Variants in TEAD1 observed in about 807,000 individuals in gnomAD.
TEAD1 encodes the protein TEA domain transcription factor 1, also known as transcriptional enhancer factor TEF-1.
Under a neutral mutation model 54.9 loss-of-function variants are expected in TEAD1, and 9 were observed. The ratio of observed to expected loss-of-function variants is 0.16; its 90% CI spans 0.10 to 0.29. The LOEUF (loss-of-function observed/expected upper bound fraction) is 0.29, where lower values mean the gene tolerates loss of function less well. TEAD1 is among the 10% of genes least tolerant of loss of function. The pLI, the probability that TEAD1 is intolerant of heterozygous loss-of-function variation, is 1.00. For synonymous variants in TEAD1, 200 were observed against 187.8 expected (o/e 1.07, Z -0.53); for missense variants, 387 against 535.9 (o/e 0.72, Z 2.74).
intron 2 of TEAD1, among the ~76,000 whole-genome samples, chr11:12,691,646 G>C (rs914596233): frequency 2.0e-5 from 3 of 152,168 alleles, no homozygotes; most frequent in African/African-American, 7.2e-5. Context: ...ACCATGGATG[G>C]TTTGTGGTTT....
At chr11:12,851,325 A>G (rs1947269214) in intron 3 of TEAD1, among the ~76,000 whole-genome samples, 1 of 152,214 alleles carries the variant, frequency 6.6e-6, no homozygotes, top group South Asian at 2.1e-4. Flanking sequence ...CATAAGGACT[A>G]TAGTTAGAAT....
chr11:12,856,351 C>T (rs1268268265), intron 3 of TEAD1, among the ~76,000 whole-genome samples: 2 of 151,884 alleles, frequency 1.3e-5, no homozygotes, highest in African/African-American at 4.8e-5. Context: ...TCACATAAGG[C>T]AGAAAAAAAT....
chr11:12,790,827 C>T (rs1229719316), intron 3 of TEAD1, among the ~76,000 whole-genome samples: 1 of 152,166 alleles, frequency 6.6e-6, no homozygotes, highest in Non-Finnish European at 1.5e-5. Flanking sequence ...CCACTTCATA[C>T]CCTCAGGTGA....
chr11:12,761,354 A>G (rs1564931145), intron 2 of TEAD1, among the ~76,000 whole-genome samples: 1 of 152,198 alleles, frequency 6.6e-6, no homozygotes, highest in African/African-American at 2.4e-5. Context: ...GTGGATCTAC[A>G]TCCTTCCCAT....
At chr11:12,870,871 G>A (rs1014839751) in intron 5 of TEAD1, among the ~76,000 whole-genome samples, 2 of 152,168 alleles carry the variant, frequency 1.3e-5, no homozygotes, top group Admixed American at 6.5e-5. Flanking sequence ...GGGCAACAGA[G>A]CGAGACTCTG....
intron 2 of TEAD1, among the ~76,000 whole-genome samples, chr11:12,734,178 G>A (rs1944479816): frequency 6.6e-6 from 1 of 152,174 alleles, no homozygotes; most frequent in Admixed American, 6.5e-5. Flanking sequence ...GGCCTCCGGA[G>A]TAGCTGGGAT....
At chr11:12,840,689 C>G (rs372021466) in intron 3 of TEAD1, among the ~76,000 whole-genome samples, 28 of 152,260 alleles carry the variant, frequency 1.8e-4, no homozygotes, top group Non-Finnish European at 2.9e-4. Context: ...GGCCCCATTC[C>G]TATCAGAAGC....
intron 2 of TEAD1, among the ~76,000 whole-genome samples, chr11:12,713,075 AG>A (rs1368470488): frequency 6.6e-6 from 1 of 152,186 alleles, no homozygotes; most frequent in Non-Finnish European, 1.5e-5. Context: ...GCTGGAGTGC[AG>A]TGGGATGATC....
At chr11:12,875,342 G>T (rs1350732181) in intron 5 of TEAD1, among the ~76,000 whole-genome samples, 1 of 152,166 alleles carries the variant, frequency 6.6e-6, no homozygotes, top group Non-Finnish European at 1.5e-5. Context: ...GACACTTAGA[G>T]TTATTTTTTC....
chr11:12,711,836 A>T (rs893035627), intron 2 of TEAD1, among the ~76,000 whole-genome samples: 1 of 152,178 alleles, frequency 6.6e-6, no homozygotes, highest in Non-Finnish European at 1.5e-5. Flanking sequence ...GTCCCTCAGG[A>T]GGTTCTGCTC....
At chr11:12,814,886 C>T (rs1436743265) in intron 3 of TEAD1, among the ~76,000 whole-genome samples, 2 of 151,636 alleles carry the variant, frequency 1.3e-5, no homozygotes, top group African/African-American at 2.4e-5. Flanking sequence ...TGTGTGTGCA[C>T]GCGTCCCGGA....
intron 3 of TEAD1, among the ~76,000 whole-genome samples, chr11:12,769,077 A>G (rs956845517): frequency 2.6e-5 from 4 of 152,174 alleles, no homozygotes; most frequent in East Asian, 1.9e-4. Context: ...TTGCTTCCAG[A>G]CATCTTCCTG....
intron 9 of TEAD1, among the ~76,000 whole-genome samples, chr11:12,887,509 A>T (rs1454341875): frequency 1.3e-5 from 2 of 152,180 alleles, no homozygotes; most frequent in Non-Finnish European, 2.9e-5. Context: ...ATGGAGAATT[A>T]ATAAAATTAT....
chr11:12,816,075 G>T (rs1267551346), intron 3 of TEAD1, among the ~76,000 whole-genome samples: 1 of 152,336 alleles, frequency 6.6e-6, no homozygotes, highest in African/African-American at 2.4e-5. Flanking sequence ...GCTGCGGTCT[G>T]CCTTCCTGTC....
intron 3 of TEAD1, among the ~76,000 whole-genome samples, chr11:12,860,146 A>G (rs1016135301): frequency 6.6e-6 from 1 of 152,160 alleles, no homozygotes; most frequent in Non-Finnish European, 1.5e-5. Context: ...AGGACCCCAG[A>G]GCTGCTGTTA....
intron 9 of TEAD1, among the ~76,000 whole-genome samples, chr11:12,893,627 G>A (rs1948244576): frequency 6.6e-6 from 1 of 152,104 alleles, no homozygotes; most frequent in African/African-American, 2.4e-5. Context: ...CTGCACTTCT[G>A]TGGGGAAGAC....
At position 12,734,374 on chromosome 11, in the gene TEAD1, A is replaced by C. The variant is rs187715785; in HGVS notation, c.-54-29805A>C. Among the ~76,000 whole-genome samples, 210 of 152,372 alleles carry C rather than the reference A, an allele frequency of 1.4e-3. 3 individuals carry two copies. Among genetic ancestry groups the C allele is most frequent in the Admixed American group, 0.012 (180 of 15,308 alleles). On this transcript the variant is annotated intron_variant, in intron 2 of 12. Transcript: ENST00000527636. ...ATGAGTCAAAAGTTAAAAATTAAAAAATGTGTAAAGTTGCAGTGAGCTAAG... is the reference window on the plus strand; with the variant it reads ...ATGAGTCAAAAGTTAAAAATTAAAACATGTGTAAAGTTGCAGTGAGCTAAG...
chr11:12,837,764 TTCTTCCTTC>T (rs1423778592), intron 3 of TEAD1, among the ~76,000 whole-genome samples: 1 of 105,918 alleles, frequency 9.4e-6, no homozygotes, highest in African/African-American at 3.5e-5. Context: ...CTTCCTCTTC[TTCTTCCTTC>T]TCTTCCTCTT....
intron 5 of TEAD1, among the ~76,000 whole-genome samples, chr11:12,871,214 A>C (rs1947738352): frequency 6.6e-6 from 1 of 152,208 alleles, no homozygotes; most frequent in Admixed American, 6.5e-5. Flanking sequence ...ACCTTGTGTC[A>C]CCAGCTGCAG....
Sources: allele counts gnomAD v4.1 joint callset (sites outside exome capture counted in the v4.1 genomes callset), GRCh38; gene constraint gnomAD v4.1.1; transcripts MANE v1.5; gene names NCBI Gene and HGNC (gene_info 2026-07-23, HGNC 2026-07-21).